Variants in RELN observed in about 807,000 individuals in gnomAD.
RELN encodes the protein reelin.
In RELN, 108 loss-of-function variants were observed where a neutral mutation model predicts 427.6. The ratio of observed to expected loss-of-function variants is 0.25; its 90% confidence interval spans 0.22 to 0.30. The LOEUF (loss-of-function observed/expected upper bound fraction) is 0.30. Ranked by LOEUF, RELN falls within the 10% of genes least tolerant of loss-of-function variation. The probability of loss-of-function intolerance (pLI) is 1.00; values close to 1 mark genes in which losing one functional copy is unlikely to be tolerated. For synonymous variants in RELN, 1,524 were observed against 1,513.4 expected (o/e 1.01, Z -0.16); for missense variants, 3,715 against 4,302.8 (o/e 0.86, Z 3.82).
chr7:103,696,524 T>C (rs1265696308), intron 10 of RELN, among the ~76,000 whole-genome samples: 1 of 152,162 alleles, frequency 6.6e-6, no homozygotes, highest in Non-Finnish European at 1.5e-5. Flanking sequence ...TGTTTCCTTT[T>C]CAATGAACAG....
At chr7:103,645,091 TAC>T (rs1485007600) in intron 16 of RELN, among the ~76,000 whole-genome samples, 2 of 151,678 alleles carry the variant, frequency 1.3e-5, no homozygotes, top group Admixed American at 1.3e-4. Context: ...GGGAATTCAT[TAC>T]CACTAGACCA....
At chr7:103,917,909 A>C (rs868368587) in intron 1 of RELN, among the ~76,000 whole-genome samples, 4 of 152,058 alleles carry the variant, frequency 2.6e-5, no homozygotes, top group South Asian at 2.1e-4. Flanking sequence ...CTAAAACCTG[A>C]CCATAATTTC....
chr7:103,829,453 A>G (rs1448654059), intron 3 of RELN, among the ~76,000 whole-genome samples: 1 of 151,958 alleles, frequency 6.6e-6, no homozygotes, highest in Non-Finnish European at 1.5e-5. Flanking sequence ...ACTGAAGACT[A>G]TAATCAGATA....
intron 6 of RELN, among the ~76,000 whole-genome samples, chr7:103,741,655 G>A (rs1319908443): frequency 2.9e-5 from 3 of 103,108 alleles, no homozygotes; most frequent in Admixed American, 1.8e-4. Context: ...AGAGATGAAA[G>A]CAAGAGAAAG....
chr7:103,499,729 T>G (rs1171482696), intron 53 of RELN, among the ~76,000 whole-genome samples: 4 of 152,186 alleles, frequency 2.6e-5, no homozygotes, highest in Admixed American at 6.5e-5. Flanking sequence ...TTAGAAGAAA[T>G]GCATGGTTAA....
rs779906810 is a variant in RELN at position 103,495,815 on chromosome 7, G to C, written c.9277C>G (p.Leu3093Val). The part of the protein sequence containing the change: ...AGFCGNPSFH[L>V]YWPNKKKDKT... ...TCCTTCTTTTTATTTGGCCAATAGAGGTGAAAGGATGGATTGCCACAAAAT... is the reference window on the plus strand; with the variant it reads ...TCCTTCTTTTTATTTGGCCAATAGACGTGAAAGGATGGATTGCCACAAAAT... Residue 3093 changes from leucine to valine, a missense_variant, in exon 57 of 65, where the codon CTC (leucine) becomes GTC (valine). This residue lies in a region of RELN where 1,310 missense variants were observed against 1,643.0 expected (regional missense o/e 0.80). Coordinates refer to ENST00000428762, the MANE Select transcript of RELN (RefSeq NM_005045.4). 1 of 1,613,968 alleles carries C rather than the reference G, an allele frequency of 6.2e-7. No homozygotes were observed. Among genetic ancestry groups the C allele is most frequent in the South Asian group, 1.1e-5 (1 of 91,076 alleles).
At chr7:103,860,072 C>T (rs886982517) in intron 2 of RELN, among the ~76,000 whole-genome samples, 1 of 152,120 alleles carries the variant, frequency 6.6e-6, no homozygotes, top group African/African-American at 2.4e-5. Context: ...GCGAGCTTAG[C>T]CACAATAAAT....
chr7:103,635,556 G>T lies in RELN; in HGVS notation c.2334C>A (p.Ser778Arg), dbSNP rs1832561686. The change falls in exon 19 of 65, where the codon AGC becomes AGA. Residue 778 changes from serine to arginine, a missense_variant. Coordinates refer to ENST00000428762, the MANE Select transcript of RELN (RefSeq NM_005045.4). Reference protein sequence around the residue: ...RFLQFTLRLGSKSVLSTCRAP... With the variant: ...RFLQFTLRLGRKSVLSTCRAP... ...CTCTGCACGTGCTCAGAACAGATTT[G>T]CTCCCCAGTCTCAGTGTGAACTGGA... 1 of 1,613,902 alleles carries T rather than the reference G, an allele frequency of 6.2e-7. No homozygotes were observed. Among genetic ancestry groups the T allele is most frequent in the Non-Finnish European group, 8.5e-7 (1 of 1,179,898 alleles).
At chr7:103,949,090 C>G (rs983709753) in intron 1 of RELN, among the ~76,000 whole-genome samples, 4 of 148,866 alleles carry the variant, frequency 2.7e-5, no homozygotes, top group Non-Finnish European at 5.9e-5. Context: ...CACATACATG[C>G]ACACACACAC....
At chr7:103,675,570 A>G (rs1046277970) in intron 11 of RELN, among the ~76,000 whole-genome samples, 1 of 151,768 alleles carries the variant, frequency 6.6e-6, no homozygotes, top group Non-Finnish European at 1.5e-5. Flanking sequence ...AAAAGAGCCC[A>G]CATTGCCAAG....
intron 28 of RELN, 75 bp downstream of exon 28, chr7:103,589,521 A>G: frequency 1.0e-6 from 1 of 969,998 alleles, no homozygotes; most frequent in Non-Finnish European, 1.7e-6. Flanking sequence ...TTTCAGGATT[A>G]CAACATTTAG....
chr7:103,970,190 T>C (rs560868737), intron 1 of RELN, among the ~76,000 whole-genome samples: 9 of 151,644 alleles, frequency 5.9e-5, no homozygotes, highest in Non-Finnish European at 1.0e-4. Flanking sequence ...TCACCCAGCC[T>C]GGAGTGCAGT....
chr7:103,599,329 A>AG (rs1831611523), intron 24 of RELN, among the ~76,000 whole-genome samples: 1 of 152,206 alleles, frequency 6.6e-6, no homozygotes, highest in African/African-American at 2.4e-5. Flanking sequence ...ACAAAAATGA[A>AG]GGGATTCACA....
chr7:103,885,577 G>A lies in RELN; in HGVS notation c.337+31498C>T, dbSNP rs146227134. ...CACAAGGAACGGAACATCACACACC[G>A]GGGCCTGTTGTGGGTTGGGGGACTT... is the stretch of plus-strand genomic sequence containing the variant. On this transcript the variant is annotated intron_variant, in intron 2 of 64. Coordinates refer to ENST00000428762, the MANE Select transcript of RELN (RefSeq NM_005045.4). 4.0e-3 allele frequency among the ~76,000 whole-genome samples: 614 copies of A among 152,098 alleles called. 23 individuals are homozygous for A. In the East Asian group the frequency reaches 0.071, roughly 18 times the overall value.
chr7:103,880,908 C>A lies in RELN; in HGVS notation c.337+36167G>T, dbSNP rs1201500233. ...ATGGGGTTTCACCATGTTGTCCAGG[C>A]TGGTCTTGAACTCCTGAGCACAAAC... is the stretch of plus-strand genomic sequence containing the variant. On this transcript the variant is annotated intron_variant, in intron 2 of 64. Transcript: ENST00000428762. 3.9e-5 allele frequency among the ~76,000 whole-genome samples: 6 copies of A among 152,218 alleles called. No homozygotes were observed. In the East Asian group the frequency reaches 1.2e-3, roughly 29 times the overall value.
chr7:103,474,774 TGAACTAGCC>T (rs1443666699), intron 64 of RELN, among the ~76,000 whole-genome samples: 1 of 150,422 alleles, frequency 6.6e-6, no homozygotes, highest in East Asian at 2.0e-4. Flanking sequence ...AGTGGCCCCC[TGAACTAGCC>T]TCCTTAACTT....
At chr7:103,782,651 GATTT>G (rs2116236042) in intron 3 of RELN, among the ~76,000 whole-genome samples, 1 of 152,172 alleles carries the variant, frequency 6.6e-6, no homozygotes, top group African/African-American at 2.4e-5. Flanking sequence ...ATTTGTATTT[GATTT>G]ATATTTTTCA....
At chr7:103,492,552 A>T (rs1486475030) in intron 57 of RELN, among the ~76,000 whole-genome samples, 1 of 152,208 alleles carries the variant, frequency 6.6e-6, no homozygotes, top group African/African-American at 2.4e-5. Context: ...TGCTATAAAA[A>T]TTTGGTGATT....
intron 2 of RELN, among the ~76,000 whole-genome samples, chr7:103,881,683 A>G (rs2237644): frequency 0.12 from 18,981 of 152,068 alleles, 1,512 homozygotes; most frequent in East Asian, 0.36. Flanking sequence ...CCATTCCAGC[A>G]GAGACACCAG....
Sources: gnomAD v4.1 joint callset for allele counts (sites outside exome capture counted in the v4.1 genomes callset) on GRCh38, gnomAD v4.1.1 for gene constraint, gnomAD v4.1.1 regional missense constraint, MANE v1.5 for transcripts, NCBI Gene and HGNC (gene_info 2026-07-23, HGNC 2026-07-21) for gene names.